MAGI2: variants seen among roughly 807,000 people sequenced by gnomAD.
MAGI2 encodes membrane associated guanylate kinase, WW and PDZ domain containing 2, also known as membrane-associated guanylate kinase, WW and PDZ domain-containing protein 2.
Under a neutral mutation model 133.3 loss-of-function variants are expected in MAGI2, and 35 were observed. The observed-to-expected ratio is 0.26, with a 90% CI of 0.20 to 0.35. The LOEUF (loss-of-function observed/expected upper bound fraction) is 0.35, where lower values mean the gene tolerates loss of function less well. MAGI2 is among the 10% of genes least tolerant of loss of function. MAGI2 has a pLI of 1.00. For synonymous variants in MAGI2, 729 were observed against 710.6 expected (o/e 1.03, Z -0.41); for missense variants, 1,636 against 1,863.4 (o/e 0.88, Z 2.25).
chr7:78,675,071 T>G (rs1288824506), intron 2 of MAGI2, among the ~76,000 whole-genome samples: 3 of 152,174 alleles, frequency 2.0e-5, no homozygotes, highest in African/African-American at 7.2e-5. Flanking sequence ...GAACTATAGA[T>G]GACTGTCAGT....
chr7:78,960,322 AC>A (rs750322763), intron 2 of MAGI2, among the ~76,000 whole-genome samples: 2 of 152,156 alleles, frequency 1.3e-5, no homozygotes, highest in African/African-American at 4.8e-5. Context: ...ATAACGTAGA[AC>A]AGGTAATGTG....
At chr7:79,291,313 C>T (rs1452130987) in intron 1 of MAGI2, among the ~76,000 whole-genome samples, 2 of 151,994 alleles carry the variant, frequency 1.3e-5, no homozygotes, top group African/African-American at 2.4e-5. Flanking sequence ...TCCATTCATC[C>T]ATTGATGGAC....
At chr7:78,587,943 G>C (rs1803594514) in intron 3 of MAGI2, among the ~76,000 whole-genome samples, 1 of 152,182 alleles carries the variant, frequency 6.6e-6, no homozygotes, top group South Asian at 2.1e-4. Context: ...TGGATGTCTT[G>C]AAGACCTCCA....
intron 2 of MAGI2, among the ~76,000 whole-genome samples, chr7:78,807,572 G>A (rs2151399185): frequency 6.6e-6 from 1 of 152,122 alleles, no homozygotes; most frequent in African/African-American, 2.4e-5. Flanking sequence ...ATTATTATTA[G>A]TATTACTGGC....
intron 1 of MAGI2, among the ~76,000 whole-genome samples, chr7:79,058,254 G>T (rs1303488306): frequency 1.3e-5 from 2 of 152,046 alleles, no homozygotes; most frequent in Admixed American, 1.3e-4. Context: ...TTAGGAAAAA[G>T]AATTTCACTA....
At chr7:78,625,087 C>G (rs922155425) in intron 3 of MAGI2, among the ~76,000 whole-genome samples, 3 of 151,924 alleles carry the variant, frequency 2.0e-5, no homozygotes, top group African/African-American at 7.3e-5. Context: ...GATCCTGACC[C>G]TGTGTAGGCC....
intron 9 of MAGI2, among the ~76,000 whole-genome samples, chr7:78,295,884 C>T (rs990104170): frequency 2.6e-5 from 4 of 152,016 alleles, no homozygotes; most frequent in African/African-American, 9.7e-5. Flanking sequence ...AAATTGGTAC[C>T]GTTATTCAGG....
rs181910934 is a variant in MAGI2 at position 79,401,264 on chromosome 7, C to T, written c.301+51756G>A. Among the ~76,000 whole-genome samples, 70 of 152,262 alleles carry T rather than the reference C, an allele frequency of 4.6e-4. No individual in the cohort carries two copies. In the Middle Eastern group the frequency reaches 0.024, roughly 52 times the overall value. On this transcript the variant is annotated intron_variant, in intron 1 of 21. Coordinates refer to ENST00000354212, the MANE Select transcript of MAGI2 (RefSeq NM_012301.4). Reference sequence around the variant, plus strand: ...TTTGAGCATAGGCCATGGTTAATACCTACACAAATCAGTTCTCAAGTCTAT... The same window carrying T: ...TTTGAGCATAGGCCATGGTTAATACTTACACAAATCAGTTCTCAAGTCTAT...
intron 5 of MAGI2, 188 bp from the exon 6 acceptor site, chr7:78,490,028 T>C: frequency 2.0e-6 from 1 of 503,862 alleles, no homozygotes; most frequent in Admixed American, 3.4e-5. Flanking sequence ...TTTGGCAACC[T>C]CAGCTCCCTG....
intron 1 of MAGI2, among the ~76,000 whole-genome samples, chr7:79,017,526 G>A (rs562848415): frequency 3.6e-4 from 55 of 152,304 alleles, no homozygotes; most frequent in African/African-American, 1.3e-3. Flanking sequence ...AAAAGCCAAA[G>A]TGGCTTCTTA....
At chr7:78,936,701 T>C (rs1800544669) in intron 2 of MAGI2, among the ~76,000 whole-genome samples, 1 of 152,030 alleles carries the variant, frequency 6.6e-6, no homozygotes, top group Non-Finnish European at 1.5e-5. Flanking sequence ...ATAATGTGTA[T>C]ATTAGGATTG....
intron 2 of MAGI2, among the ~76,000 whole-genome samples, chr7:78,798,333 T>C (rs1787782371): frequency 6.6e-6 from 1 of 152,170 alleles, no homozygotes; most frequent in East Asian, 1.9e-4. Flanking sequence ...CAATGAATTA[T>C]CTCAGATGAA....
intron 2 of MAGI2, among the ~76,000 whole-genome samples, chr7:78,826,089 A>G (rs1288371261): frequency 6.6e-6 from 1 of 152,148 alleles, no homozygotes; most frequent in African/African-American, 2.4e-5. Flanking sequence ...ACGGTGGCTC[A>G]CACCTGTAAT....
intron 1 of MAGI2, among the ~76,000 whole-genome samples, chr7:79,009,335 A>G (rs1374819107): frequency 1.3e-5 from 2 of 152,040 alleles, no homozygotes; most frequent in South Asian, 2.1e-4. Flanking sequence ...TTTTTTTCAT[A>G]GAAGAACTGT....
intron 1 of MAGI2, among the ~76,000 whole-genome samples, chr7:79,418,631 A>G (rs912438625): frequency 1.3e-4 from 19 of 151,888 alleles, no homozygotes; most frequent in African/African-American, 4.4e-4. Flanking sequence ...CATGCTCTGG[A>G]ATTGGTCTTT....
chr7:78,298,760 C>T (rs1323190165), intron 9 of MAGI2, among the ~76,000 whole-genome samples: 1 of 151,726 alleles, frequency 6.6e-6, no homozygotes, highest in African/African-American at 2.4e-5. Flanking sequence ...TCACCTTGGC[C>T]TCCCAAAGTG....
At chr7:79,137,709 C>T (rs1821722086) in intron 1 of MAGI2, among the ~76,000 whole-genome samples, 1 of 151,966 alleles carries the variant, frequency 6.6e-6, no homozygotes. Context: ...GTGATCCACT[C>T]ACCTCGGCCT....
intron 2 of MAGI2, among the ~76,000 whole-genome samples, chr7:78,660,895 C>G (rs1812877654): frequency 6.6e-6 from 1 of 152,152 alleles, no homozygotes; most frequent in African/African-American, 2.4e-5. Context: ...GTCTTCATAA[C>G]TCTGTTTATT....
chr7:79,049,038 C>T (rs4437570), intron 1 of MAGI2, among the ~76,000 whole-genome samples: 70,832 of 151,988 alleles, frequency 0.47, 17,776 homozygotes, highest in African/African-American at 0.67. Context: ...CAAATGTTGC[C>T]AACTTCAAGA....
Sources: gnomAD v4.1 joint callset for allele counts (sites outside exome capture counted in the v4.1 genomes callset) on GRCh38, gnomAD v4.1.1 for gene constraint, MANE v1.5 for transcripts, NCBI Gene and HGNC (gene_info 2026-07-23, HGNC 2026-07-21) for gene names.